SCAPER: variants seen among roughly 807,000 people sequenced by gnomAD.
SCAPER encodes S-phase cyclin A associated protein in the ER.
In SCAPER, 98 loss-of-function variants were observed where a neutral mutation model predicts 182.2. The ratio of observed to expected loss-of-function variants is 0.54; its 90% CI spans 0.46 to 0.64. SCAPER has a LOEUF of 0.64. Among genes scored for constraint, SCAPER ranks in the 30% least tolerant of loss-of-function variants. SCAPER has a pLI of 0.00. For missense variants in SCAPER, 1,432 were observed against 1,690.0 expected (o/e 0.85, Z 2.68); for synonymous variants, 605 against 564.6 (o/e 1.07, Z -1.01).
chr15:76,397,474 C>CTTTTTTTT (rs71143321), intron 27 of SCAPER, among the ~76,000 whole-genome samples: 11 of 71,540 alleles, frequency 1.5e-4, no homozygotes, highest in Middle Eastern at 0.016. Flanking sequence ...TATTGGCAGA[C>CTTTTTTTT]TTTTTTTTTT....
chr15:76,377,230 C>T (rs2042633905), intron 28 of SCAPER, among the ~76,000 whole-genome samples: 1 of 152,146 alleles, frequency 6.6e-6, no homozygotes, highest in Non-Finnish European at 1.5e-5. Flanking sequence ...TGAAACAGAG[C>T]CATTTTAGCG....
At chr15:76,708,257 C>T (rs1459302880) in intron 17 of SCAPER, among the ~76,000 whole-genome samples, 1 of 151,966 alleles carries the variant, frequency 6.6e-6, no homozygotes, top group Non-Finnish European at 1.5e-5. Flanking sequence ...TTATTCTTAT[C>T]ACTGTTTTGG....
chr15:76,860,340 T>C (rs1042538840), intron 3 of SCAPER, among the ~76,000 whole-genome samples: 1 of 152,192 alleles, frequency 6.6e-6, no homozygotes, highest in African/African-American at 2.4e-5. Context: ...GTGGAAAGAT[T>C]AGCTGTTAAG....
At chr15:76,678,744 A>G (rs1354647827) in intron 20 of SCAPER, among the ~76,000 whole-genome samples, 1 of 152,074 alleles carries the variant, frequency 6.6e-6, no homozygotes. Flanking sequence ...ACACTCACCT[A>G]AAAACAAAGG....
At chr15:76,688,290 T>C (rs756194035) in intron 20 of SCAPER, among the ~76,000 whole-genome samples, 11 of 152,158 alleles carry the variant, frequency 7.2e-5, no homozygotes, top group Non-Finnish European at 1.3e-4. Flanking sequence ...GGGGTTGTTT[T>C]CTTCCTGTAA....
At chr15:76,805,727 C>T (rs1411382201) in intron 5 of SCAPER, among the ~76,000 whole-genome samples, 1 of 151,884 alleles carries the variant, frequency 6.6e-6, no homozygotes, top group Non-Finnish European at 1.5e-5. Flanking sequence ...GCCACCATGC[C>T]CAGCTAATTT....
intron 5 of SCAPER, among the ~76,000 whole-genome samples, chr15:76,809,578 T>C (rs2066437538): frequency 6.6e-6 from 1 of 150,820 alleles, no homozygotes; most frequent in Non-Finnish European, 1.5e-5. Flanking sequence ...AAGGAAAAAA[T>C]GACAAAGAGT....
chr15:76,482,693 A>G (rs1333146402), intron 24 of SCAPER, among the ~76,000 whole-genome samples: 1 of 152,172 alleles, frequency 6.6e-6, no homozygotes. Flanking sequence ...CTGCCATCCT[A>G]TATATTAGCA....
intron 20 of SCAPER, among the ~76,000 whole-genome samples, chr15:76,693,995 C>T (rs1317925344): frequency 6.6e-6 from 1 of 151,688 alleles, no homozygotes. Context: ...GTAACTATCG[C>T]TTTGTATTTT....
At chr15:76,883,964 C>G (rs2073713320) in intron 1 of SCAPER, 88 bp from the exon 2 acceptor site, 2 of 653,982 alleles carry the variant, frequency 3.1e-6, no homozygotes, top group South Asian at 2.3e-5. Flanking sequence ...CATCCCCACA[C>G]TTACATTAAA....
At chr15:76,828,608 A>G (rs2068201810) in intron 5 of SCAPER, among the ~76,000 whole-genome samples, 1 of 152,216 alleles carries the variant, frequency 6.6e-6, no homozygotes, top group Non-Finnish European at 1.5e-5. Flanking sequence ...ATCAAACAGT[A>G]AAATTTTACT....
intron 20 of SCAPER, among the ~76,000 whole-genome samples, chr15:76,685,191 T>A (rs1244418350): frequency 6.6e-6 from 1 of 152,018 alleles, no homozygotes; most frequent in Non-Finnish European, 1.5e-5. Context: ...AGACTAGTTA[T>A]TACACACCTA....
chr15:76,881,172 T>C (rs1282000157), intron 2 of SCAPER, among the ~76,000 whole-genome samples: 2 of 152,248 alleles, frequency 1.3e-5, no homozygotes, highest in Non-Finnish European at 2.9e-5. Context: ...CATGGCTCAC[T>C]GCAACCTCCG....
At chr15:76,361,362 G>A (rs1412086187) in intron 29 of SCAPER, among the ~76,000 whole-genome samples, 1 of 152,200 alleles carries the variant, frequency 6.6e-6, no homozygotes, top group Non-Finnish European at 1.5e-5. Context: ...CTCTAGCCAA[G>A]CATGGTGTTA....
At chr15:76,497,109 C>CTTTTTTTTTTTTTTTTT (rs57202860) in intron 24 of SCAPER, among the ~76,000 whole-genome samples, 3 of 86,706 alleles carry the variant, frequency 3.5e-5, no homozygotes, top group South Asian at 4.4e-4. Context: ...TTGGTCTCCT[C>CTTTTTTTTTTTTTTTTT]TTTTTTTTTT....
At chr15:76,882,550 C>G (rs1377195422) in intron 2 of SCAPER, among the ~76,000 whole-genome samples, 1 of 152,094 alleles carries the variant, frequency 6.6e-6, no homozygotes, top group African/African-American at 2.4e-5. Flanking sequence ...AGCAGACCAA[C>G]AGAAAATAAC....
chr15:76,468,305 G>C (rs1016392288), intron 25 of SCAPER, among the ~76,000 whole-genome samples: 2 of 152,000 alleles, frequency 1.3e-5, no homozygotes, highest in African/African-American at 4.8e-5. Flanking sequence ...AACTCAGAAA[G>C]TGCCATGTAT....
intron 5 of SCAPER, among the ~76,000 whole-genome samples, chr15:76,826,522 C>A (rs2068034499): frequency 6.6e-6 from 1 of 150,470 alleles, no homozygotes; most frequent in South Asian, 2.1e-4. Context: ...TGTAACTAAC[C>A]TGCACATTGT....
chr15:76,517,463 C>T (rs968953056), intron 23 of SCAPER, among the ~76,000 whole-genome samples: 3 of 151,650 alleles, frequency 2.0e-5, no homozygotes, highest in African/African-American at 7.3e-5. Context: ...CATTCTCCTG[C>T]CTCAGCCTCC....
Sources: allele counts gnomAD v4.1 joint callset (sites outside exome capture counted in the v4.1 genomes callset), GRCh38; gene constraint gnomAD v4.1.1; transcripts MANE v1.5; gene names NCBI Gene and HGNC (gene_info 2026-07-23, HGNC 2026-07-21).